The following ZFYVE28 variants were observed in gnomAD, a reference collection of about 807,000 sequenced individuals.
ZFYVE28 encodes the protein zinc finger FYVE-type containing 28, also known as lateral signaling target protein 2 homolog.
A neutral mutation model predicts 82.1 loss-of-function variants in ZFYVE28; 40 were observed. The ratio of observed to expected loss-of-function variants is 0.49; its 90% CI spans 0.38 to 0.63. The LOEUF (loss-of-function observed/expected upper bound fraction) is 0.63, where lower values mean the gene tolerates loss of function less well. ZFYVE28 is among the 30% of genes least tolerant of loss of function. ZFYVE28 has a pLI of 0.00. For synonymous variants in ZFYVE28, 612 were observed against 546.1 expected (o/e 1.12, Z -1.68); for missense variants, 1,321 against 1,242.1 (o/e 1.06, Z -0.96).
Position 2,341,530 on chromosome 4 carries a change from G to A in ZFYVE28, c.266C>T (p.Pro89Leu), listed in dbSNP as rs1419212618. ...RAPRDFCVKF[P>L]EEIRHDNLAG... ...CAGGTTGTCGTGCCGGATCTCCTCA[G>A]GGAACTTGACGCAGAAATCTCTGGG... Residue 89 changes from proline to leucine, a missense_variant, in exon 3 of 13, where the codon CCT becomes CTT. Coordinates refer to ENST00000290974, the MANE Select transcript of ZFYVE28 (RefSeq NM_020972.3). This position sits in a 1 kb window ranked among gnomAD's most constrained non-coding sequence, Gnocchi z 4.5. 6.2e-7 allele frequency: 1 copy of A among 1,613,908 alleles called. No homozygotes were observed. The highest frequency in any genetic ancestry group is 8.5e-7 in the Non-Finnish European group (1 of 1,180,022).
rs1175092664 is a variant in ZFYVE28, at chr4:2,372,780, C to A, written c.40-18707G>T. Among the ~76,000 whole-genome samples, 2 of 152,148 alleles carry A rather than the reference C, an allele frequency of 1.3e-5. No homozygotes were observed. Among genetic ancestry groups the A allele is most frequent in the Admixed American group, 1.3e-4 (2 of 15,282 alleles). On this transcript the variant is annotated intron_variant, in intron 1 of 12. Transcript: ENST00000290974. This position sits in a 1 kb window ranked among gnomAD's most constrained non-coding sequence, Gnocchi z 5.2. ...CATGATGGCAGAGCCAGCTGCCTCCCTGGACCAAGGATGCTGCACACCCCT... is the reference window on the plus strand; with the variant it reads ...CATGATGGCAGAGCCAGCTGCCTCCATGGACCAAGGATGCTGCACACCCCT...
chr4:2,317,052 G>C (rs1281049359), intron 7 of ZFYVE28, among the ~76,000 whole-genome samples: 1 of 143,206 alleles, frequency 7.0e-6, no homozygotes, highest in Non-Finnish European at 1.5e-5. Flanking sequence ...ACAGTGGCAC[G>C]ATCTTGGTTC....
At chr4:2,403,232 G>A (rs989348558) in intron 1 of ZFYVE28, among the ~76,000 whole-genome samples, 5 of 152,232 alleles carry the variant, frequency 3.3e-5, no homozygotes, top group African/African-American at 1.2e-4. Flanking sequence ...CAGCCCAGGA[G>A]GGGAAAAAGC....
At chr4:2,403,793 CG>C (rs1275516052) in intron 1 of ZFYVE28, among the ~76,000 whole-genome samples, 2 of 151,694 alleles carry the variant, frequency 1.3e-5, no homozygotes, top group Non-Finnish European at 2.9e-5. Flanking sequence ...GGTGAAACCC[CG>C]TCTCTACTAA....
chr4:2,301,762 GA>G (rs1715563362), intron 8 of ZFYVE28, among the ~76,000 whole-genome samples: 1 of 152,152 alleles, frequency 6.6e-6, no homozygotes, highest in Admixed American at 6.5e-5. Flanking sequence ...CAAACTCGGA[GA>G]AAAACGATCC....
At chr4:2,325,835 C>G (rs1166331512) in intron 6 of ZFYVE28, among the ~76,000 whole-genome samples, 1 of 152,088 alleles carries the variant, frequency 6.6e-6, no homozygotes, top group African/African-American at 2.4e-5. Context: ...TCAAGCAATC[C>G]TCTTGCCTCG....
intron 8 of ZFYVE28, among the ~76,000 whole-genome samples, chr4:2,293,269 G>A (rs1278919418): frequency 3.3e-5 from 5 of 152,232 alleles, no homozygotes; most frequent in African/African-American, 9.6e-5. Context: ...TTCATTCGAC[G>A]TTATACTGGA....
chr4:2,365,782 CCT>C (rs1475322413), intron 1 of ZFYVE28, among the ~76,000 whole-genome samples: 1 of 152,180 alleles, frequency 6.6e-6, no homozygotes, highest in Non-Finnish European at 1.5e-5. Flanking sequence ...GAGAGTCACC[CCT>C]GATACCAGAA....
At chr4:2,303,370 A>G (rs2108821310) in intron 8 of ZFYVE28, among the ~76,000 whole-genome samples, 1 of 151,852 alleles carries the variant, frequency 6.6e-6, no homozygotes, top group Non-Finnish European at 1.5e-5. Flanking sequence ...TCACTCCTGC[A>G]TCTGTGCCCC....
At chr4:2,276,007 G>A (rs1736400372) in intron 8 of ZFYVE28, among the ~76,000 whole-genome samples, 1 of 152,242 alleles carries the variant, frequency 6.6e-6, no homozygotes, top group African/African-American at 2.4e-5. Context: ...CCCACGTGGC[G>A]TGAGTCTTTT....
Position 2,341,648 on chromosome 4 carries a change from C to T in ZFYVE28, c.181-33G>A, listed in dbSNP as rs761765215. 30 of 1,592,936 alleles carry T rather than the reference C, an allele frequency of 1.9e-5. No homozygotes were observed. The South Asian group carries it at 2.2e-4, about 12-fold the overall frequency. On this transcript the variant is annotated intron_variant, in intron 2 of 12. Coordinates refer to ENST00000290974, the MANE Select transcript of ZFYVE28 (RefSeq NM_020972.3). The surrounding 1 kb of genome is among the most constrained non-coding windows in gnomAD (Gnocchi z 4.5). ...AGAAGACAGGAGAAAGTGCGCCAAT[C>T]GCTGTGTCCAGCTGGCGGCCGCCAT...
At chr4:2,301,107 C>T (rs769177015) in intron 8 of ZFYVE28, among the ~76,000 whole-genome samples, 3 of 151,668 alleles carry the variant, frequency 2.0e-5, no homozygotes, top group Non-Finnish European at 4.4e-5. Context: ...TCTCCTGTGT[C>T]TGTCTGTTTA....
chr4:2,349,005 T>C (rs1723970670), intron 2 of ZFYVE28, among the ~76,000 whole-genome samples: 2 of 152,170 alleles, frequency 1.3e-5, no homozygotes, highest in Admixed American at 1.3e-4. Context: ...GTTTTCTGTT[T>C]ATTGCATGTT....
intron 8 of ZFYVE28, among the ~76,000 whole-genome samples, chr4:2,292,423 G>A (rs1347371515): frequency 3.3e-5 from 5 of 152,176 alleles, no homozygotes; most frequent in Non-Finnish European, 5.9e-5. Context: ...GAGGGCACAA[G>A]GGGTCTACAA....
intron 8 of ZFYVE28, among the ~76,000 whole-genome samples, chr4:2,290,425 G>A (rs745651070): frequency 5.3e-5 from 8 of 152,206 alleles, no homozygotes; most frequent in Non-Finnish European, 7.3e-5. Context: ...TTTGCCAGTC[G>A]TCATGGTGAC....
At chr4:2,284,943 C>A (rs181736742) in intron 8 of ZFYVE28, among the ~76,000 whole-genome samples, 52 of 152,304 alleles carry the variant, frequency 3.4e-4, no homozygotes, top group African/African-American at 1.3e-3. Flanking sequence ...TTGGGGCCCC[C>A]CAGCAAGCTC....
chr4:2,369,767 A>G lies in ZFYVE28; in HGVS notation c.40-15694T>C, dbSNP rs145294724. Among the ~76,000 whole-genome samples, 796 of 151,848 alleles carry G rather than the reference A, an allele frequency of 5.2e-3. 7 individuals carry two copies. The highest frequency in any genetic ancestry group is 0.018 in the African/African-American group (761 of 41,416). ...GGAGCGACCCTCCCTCAGAGCCCCC[A>G]AAAGAAACCAGTGCTGCCCACACCA... is the stretch of plus-strand genomic sequence containing the variant. On this transcript the variant is annotated intron_variant, in intron 1 of 12. Coordinates refer to ENST00000290974, the MANE Select transcript of ZFYVE28 (RefSeq NM_020972.3).
intron 6 of ZFYVE28, chr4:2,324,781 G>C (rs1392248424): frequency 6.5e-6 from 1 of 154,788 alleles, no homozygotes; most frequent in East Asian, 1.8e-4. Flanking sequence ...CTTTCTGTTT[G>C]TATTGAAAAA....
intron 1 of ZFYVE28, among the ~76,000 whole-genome samples, chr4:2,387,044 A>G (rs1404868212): frequency 7.1e-6 from 1 of 141,572 alleles, no homozygotes; most frequent in African/African-American, 2.9e-5. Flanking sequence ...GGCTCCGCAG[A>G]CTGCAGGAGA....
Sources: gnomAD v4.1 joint callset for allele counts (sites outside exome capture counted in the v4.1 genomes callset) on GRCh38, gnomAD v4.1.1 for gene constraint, Gnocchi (gnomAD v3.1) non-coding constraint, MANE v1.5 for transcripts, NCBI Gene and HGNC (gene_info 2026-07-23, HGNC 2026-07-21) for gene names.